Variants in ATG16L2 observed in about 807,000 individuals in gnomAD.
ATG16L2 encodes autophagy related 16 like 2.
In ATG16L2, 77 loss-of-function variants were observed where a neutral mutation model predicts 84.7. The observed-to-expected ratio is 0.91, with a 90% confidence interval of 0.76 to 1.10. ATG16L2 has a LOEUF of 1.10. ATG16L2 is among the 50% of genes least tolerant of loss of function. The probability of loss-of-function intolerance (pLI) is 0.00; values close to 1 mark genes in which losing one functional copy is unlikely to be tolerated. For missense variants in ATG16L2, 782 were observed against 817.6 expected, an observed-to-expected ratio of 0.96 and a Z score of 0.53; for synonymous variants, 361 against 342.8, an observed-to-expected ratio of 1.05 and a Z score of -0.59.
intron 5 of ATG16L2, among the ~76,000 whole-genome samples, chr11:72,841,278 C>T (rs1463173059): frequency 1.4e-5 from 2 of 142,710 alleles, no homozygotes; most frequent in Admixed American, 1.5e-4. Context: ...TTGCTATGAG[C>T]CGTGATCATG....
At chr11:72,841,003 A>G (rs754914153) in intron 5 of ATG16L2, 3 of 1,443,488 alleles carry the variant, frequency 2.1e-6, no homozygotes, top group Non-Finnish European at 2.9e-6. Context: ...TGAGTTGTTG[A>G]GCAATAATGC....
At chr11:72,821,078 C>T in intron 3 of ATG16L2, 2 of 354,410 alleles carry the variant, frequency 5.6e-6, no homozygotes, top group Non-Finnish European at 7.9e-6. Context: ...ACAGAACTCA[C>T]ATTCCCCTGA....
rs1860089736 is a variant in ATG16L2, at chr11:72,822,781, C to T, written c.711-67C>T. ...CTGGGAATTCCTGTCTTCAGCGTAT[C>T]CTGTGCTGGGGTCGGGAGGGGCTGG... On this transcript the variant is annotated intron_variant, in intron 6 of 17. Transcript: ENST00000321297. This position sits in a 1 kb window ranked among gnomAD's most constrained non-coding sequence, Gnocchi z 4.2. 1 of 1,259,930 alleles carries T rather than the reference C, an allele frequency of 7.9e-7. No individual in the cohort carries two copies. The highest frequency in any genetic ancestry group is 2.5e-5 in the East Asian group (1 of 39,552). 78.0% of individuals were successfully genotyped at this position (1,259,930 alleles called of 1,614,324 possible).
At chr11:72,816,906 C>T (rs1219380556) in intron 2 of ATG16L2, 79 bp downstream of exon 2, 13 of 1,213,150 alleles carry the variant, frequency 1.1e-5, no homozygotes, top group Non-Finnish European at 1.5e-5. Flanking sequence ...TGGGTTCATT[C>T]TCTCCCTAGT....
At chr11:72,841,238 G>A (rs1860921732) in intron 5 of ATG16L2, among the ~76,000 whole-genome samples, 1 of 150,440 alleles carries the variant, frequency 6.6e-6, no homozygotes. Flanking sequence ...GGAGGCTGAG[G>A]CAGGAGGATC....
rs777762854 is a variant in ATG16L2, at chr11:72,822,305, C to A, written c.644+10C>A. 9.9e-6 allele frequency: 15 copies of A among 1,515,098 alleles called. 1 individual carries two copies. In the South Asian group the frequency reaches 1.8e-4, roughly 18 times the overall value. 93.9% of individuals were successfully genotyped at this position (1,515,098 alleles called of 1,614,324 possible). On this transcript the variant is annotated intron_variant, in intron 5 of 17. Coordinates refer to ENST00000321297, the MANE Select transcript of ATG16L2 (RefSeq NM_033388.2). The surrounding 1 kb of genome is among the most constrained non-coding windows in gnomAD (Gnocchi z 4.2). ...ACGAGCGCCGGGAGCGGTGAGGGAGCAGGCCCCGCCCCTCCTGAGGAAAGG... is the reference window on the plus strand; with the variant it reads ...ACGAGCGCCGGGAGCGGTGAGGGAGAAGGCCCCGCCCCTCCTGAGGAAAGG...
intron 3 of ATG16L2, chr11:72,820,205 A>G (rs538125151): frequency 1.3e-5 from 2 of 152,340 alleles, no homozygotes; most frequent in South Asian, 4.1e-4. Context: ...CCTGCTGGCT[A>G]CATCTTACAT....
chr11:72,827,056 T>C, intron 13 of ATG16L2, 132 bp from the exon 14 acceptor site: 1 of 852,518 alleles, frequency 1.2e-6, no homozygotes, highest in Non-Finnish European at 1.8e-6. Flanking sequence ...AGCCCTGTGC[T>C]GGGAAGCGGA....
At chr11:72,816,866 G>T in intron 2 of ATG16L2, 39 bp downstream of exon 2, 1 of 1,556,012 alleles carries the variant, frequency 6.4e-7, no homozygotes, top group Non-Finnish European at 8.9e-7. Context: ...AGGGCTGCCT[G>T]TGCTGGGGCC....
chr11:72,824,802 G>C lies in ATG16L2; in HGVS notation c.956G>C (p.Cys319Ser), dbSNP rs77419620. Residue 319 changes from cysteine to serine, a missense_variant, in exon 9 of 18, where the codon TGT (cysteine) becomes TCT (serine). By Grantham distance (112) the Cys-to-Ser change is moderately radical. Coordinates refer to ENST00000321297, the MANE Select transcript of ATG16L2 (RefSeq NM_033388.2). ...PEQRYQIIPVCVAARLPTRAQ... is the reference protein window; with the variant it reads ...PEQRYQIIPVSVAARLPTRAQ... ...CAGCGATACCAGATCATCCCTGTGT[G>C]TGTGGCTGCCCGACTTCCTACCCGG... The C allele has an allele frequency of 4.6e-3, 7,351 of 1,607,382 alleles. 304 individuals are homozygous for C. In the African/African-American group the frequency reaches 0.088, roughly 19 times the overall value.
In ATG16L2 at chr11:72,826,178, C is replaced by T; in HGVS notation, c.1108C>T (p.Leu370=). ...CCTTCCCCTGGTCCTCCCAGGTCGC[C>T]TGGAGGCCAACCAGACCCTGGAGGG... is the stretch of plus-strand genomic sequence containing the variant. ...IHLWNVVGSR[L]EANQTLEGAG... is the part of the protein sequence containing the mutation. The change falls in exon 11 of 18, where the codon CTG becomes TTG. Residue 370 remains leucine, a synonymous_variant. Coordinates refer to ENST00000321297, the MANE Select transcript of ATG16L2 (RefSeq NM_033388.2). 1 of 1,613,226 alleles carries T rather than the reference C, an allele frequency of 6.2e-7. No homozygotes were observed. Among genetic ancestry groups the T allele is most frequent in the Non-Finnish European group, 8.5e-7 (1 of 1,179,392 alleles).
chr11:72,842,974 C>T, exon 6 of ATG16L2: 1 of 880,722 alleles, frequency 1.1e-6, no homozygotes, highest in South Asian at 1.7e-5. Context: ...TTTTTACTCA[C>T]TGATGAATGA....
At chr11:72,815,496 G>A (rs886324839) in intron 1 of ATG16L2, among the ~76,000 whole-genome samples, 6 of 151,180 alleles carry the variant, frequency 4.0e-5, no homozygotes, top group African/African-American at 7.3e-5. Flanking sequence ...GGGGGTCACC[G>A]CCCCCCCAAC....
intron 10 of ATG16L2, 41 bp downstream of exon 10, chr11:72,825,448 C>G (rs754678386): frequency 2.0e-6 from 3 of 1,491,118 alleles, no homozygotes; most frequent in Non-Finnish European, 1.9e-6. Context: ...GTGCTTCTCT[C>G]CAGACCCTCT....
intron 14 of ATG16L2, among the ~76,000 whole-genome samples, 176 bp downstream of exon 14, chr11:72,827,469 C>T (rs1022627965): frequency 6.6e-6 from 1 of 152,226 alleles, no homozygotes; most frequent in Non-Finnish European, 1.5e-5. Context: ...CCGCAGGAAG[C>T]TGTGCCACTG....
At chr11:72,827,069 A>G (rs1860407622) in intron 13 of ATG16L2, 119 bp from the exon 14 acceptor site, 4 of 880,652 alleles carry the variant, frequency 4.5e-6, no homozygotes, top group Non-Finnish European at 3.5e-6. Flanking sequence ...GAAGCGGAAG[A>G]CCTGGGTTCT....
rs1591310956 is a variant in ATG16L2, at chr11:72,826,318, A to T, written c.1173+75A>T. On this transcript the variant is annotated intron_variant, in intron 11 of 17. Transcript: ENST00000321297. ...ACACTGGGCAGGTGGGGGCTGTGGG[A>T]CCTGAGGGCGCAACATGGATACCCT... is the stretch of plus-strand genomic sequence containing the variant. 4 of 1,525,696 alleles carry T rather than the reference A, an allele frequency of 2.6e-6. No homozygotes were observed. The South Asian group carries it at 3.5e-5, about 13-fold the overall frequency. 94.5% of individuals were successfully genotyped at this position (1,525,696 alleles called of 1,614,324 possible).
At chr11:72,840,358 C>T (rs148027442) in intron 5 of ATG16L2, among the ~76,000 whole-genome samples, 103 of 152,188 alleles carry the variant, frequency 6.8e-4, no homozygotes, top group African/African-American at 2.3e-3. Context: ...GCAAAGTATC[C>T]GACTGGATTA....
intron 17 of ATG16L2, 131 bp from the exon 18 acceptor site, chr11:72,829,172 G>GCTAA (rs1860534374): frequency 6.9e-6 from 8 of 1,157,746 alleles, no homozygotes; most frequent in East Asian, 2.5e-5. Flanking sequence ...AGCCCTGTGA[G>GCTAA]CTAACTTGAC....
Sources: gnomAD v4.1 joint callset for allele counts (sites outside exome capture counted in the v4.1 genomes callset) on GRCh38, gnomAD v4.1.1 for gene constraint, Gnocchi (gnomAD v3.1) non-coding constraint, MANE v1.5 for transcripts, NCBI Gene and HGNC (gene_info 2026-07-23, HGNC 2026-07-21) for gene names.